The following CHI3L1 variants were observed in gnomAD, a reference collection of about 807,000 sequenced individuals.
CHI3L1 encodes chitinase-3-like protein 1.
CHI3L1 carries 30 observed loss-of-function variants against 40.7 expected under a neutral mutation model. That is an observed-to-expected ratio of 0.74 (90% CI 0.55 to 1.00). The LOEUF is 1.00. CHI3L1 is among the 50% of genes least tolerant of loss of function. The pLI is 0.00. For synonymous variants in CHI3L1, 210 were observed against 192.1 expected (o/e 1.09, Z -0.77); for missense variants, 493 against 492.2 (o/e 1.00, Z -0.01).
rs550073769 is a variant in CHI3L1, at chr1:203,185,348, C to T, written c.93G>A (p.Trp31Ter). ...AYKLVCYYTS[W>*]SQYREGDGSC... ...TCCCATCGCCTTCCCGGTACTGGGA[C>T]CAGCTGGTGTAGTAGCAGACCAGTT... The change falls in exon 3 of 10, where the codon TGG (tryptophan) becomes TGA (stop). Residue 31 changes from tryptophan (W) to a stop codon, truncating the protein, a stop_gained. Transcript: ENST00000255409. LOFTEE classifies it high-confidence loss of function. 6.2e-7 allele frequency: 1 copy of T among 1,614,180 alleles called. No homozygotes were observed. The highest frequency in any genetic ancestry group is 2.2e-5 in the East Asian group (1 of 44,888).
At chr1:203,183,508 C>T in intron 5 of CHI3L1, 133 bp downstream of exon 5, 1 of 895,248 alleles carries the variant, frequency 1.1e-6, no homozygotes, top group South Asian at 1.5e-5. Context: ...GGCACAGGGT[C>T]CCAGGACACT....
At position 203,184,539 on chromosome 1, in the gene CHI3L1, A is replaced by G. The variant is rs12063956; in HGVS notation, c.314+37T>C. The G allele has an allele frequency of 1.7e-3, 2,672 of 1,570,484 alleles. 29 individuals carry two copies. The African/African-American group carries it at 0.027, about 16-fold the overall frequency. On this transcript the variant is annotated intron_variant, in intron 4 of 9. Transcript: ENST00000255409. ...CCAAGCTCCTCACTCCTATGCCATC[A>G]TCCTCTGCCGTCCTGCCCCTGGGGA...
At chr1:203,181,049 A>G in intron 7 of CHI3L1, 113 bp downstream of exon 7, 1 of 1,377,574 alleles carries the variant, frequency 7.3e-7, no homozygotes, top group Non-Finnish European at 9.8e-7. Flanking sequence ...AATGGGCCTC[A>G]TGACCCCCCT....
intron 7 of CHI3L1, 92 bp downstream of exon 7, chr1:203,181,070 T>G: frequency 6.7e-7 from 1 of 1,493,056 alleles, no homozygotes; most frequent in Non-Finnish European, 9.1e-7. Context: ...CTTGCAGGAC[T>G]GTACTGAGGG....
At chr1:203,183,917 T>A in intron 4 of CHI3L1, 126 bp from the exon 5 acceptor site, 1 of 1,089,648 alleles carries the variant, frequency 9.2e-7, no homozygotes, top group Non-Finnish European at 1.4e-6. Context: ...GAGGGCATGA[T>A]TGGGACAGGG....
Position 203,180,937 on chromosome 1 carries a change from TC to T in CHI3L1, c.711+224del, listed in dbSNP as rs891337158. Among the ~76,000 whole-genome samples, 4 of 152,322 alleles carry T rather than the reference TC, an allele frequency of 2.6e-5. 1 individual carries two copies. Reference sequence around the variant, plus strand: ...TCCTACCTCCTCGGCTCCCAGCCTCTCCCCATTCGGCCCCCTGCCCTCACTC... The same window carrying T: ...TCCTACCTCCTCGGCTCCCAGCCTCTCCCATTCGGCCCCCTGCCCTCACTC... On this transcript the variant is annotated intron_variant, in intron 7 of 9. Transcript: ENST00000255409.
At chr1:203,186,394 C>A (rs890890270) in intron 1 of CHI3L1, 49 bp from the exon 2 acceptor site, 2 of 1,570,170 alleles carry the variant, frequency 1.3e-6, no homozygotes, top group African/African-American at 2.7e-5. Flanking sequence ...CCTGCCCTTC[C>A]GCCCTGCTCC....
In CHI3L1 at chr1:203,179,286, G is replaced by A; in HGVS notation, c.*159C>T. The A allele has an allele frequency of 6.4e-6, 4 of 623,506 alleles. No homozygotes were observed. The South Asian group carries it at 1.2e-4, about 18-fold the overall frequency. 38.6% of individuals were successfully genotyped at this position (623,506 alleles called of 1,614,324 possible). A position where few individuals can be genotyped will look rare whatever the true frequency, so the allele number is the denominator to read the frequency against. Reference sequence around the variant, plus strand: ...CTACCTCTCTGCCCACCAGGGCTGAGCTCAAATCTGTGTGTTGTGGACCTC... The same window carrying A: ...CTACCTCTCTGCCCACCAGGGCTGAACTCAAATCTGTGTGTTGTGGACCTC... On this transcript the variant is annotated 3_prime_UTR_variant, in exon 10 of 10. Coordinates refer to ENST00000255409, the MANE Select transcript of CHI3L1 (RefSeq NM_001276.4).
In CHI3L1 at chr1:203,179,746, C is replaced by A; in HGVS notation, c.1011+15G>T. 6.2e-7 allele frequency: 1 copy of A among 1,614,176 alleles called. No homozygotes were observed. Among genetic ancestry groups the A allele is most frequent in the Non-Finnish European group, 8.5e-7 (1 of 1,180,038 alleles). ...CTTTCTCTTTGTCCTGAGGTGTGGC[C>A]TTGGGGAAACCTACCTTGCTTTTGA... On this transcript the variant is annotated intron_variant, in intron 9 of 9. Transcript: ENST00000255409.
At chr1:203,179,928 G>A in intron 8 of CHI3L1, 51 bp from the exon 9 acceptor site, 1 of 1,564,398 alleles carries the variant, frequency 6.4e-7, no homozygotes, top group Non-Finnish European at 8.8e-7. Context: ...CCGAGACCTT[G>A]CAGGTCACCA....
In CHI3L1 at chr1:203,179,415, T is replaced by C. The variant is rs1301318330; in HGVS notation, c.*30A>G. 1.3e-6 allele frequency: 2 copies of C among 1,505,698 alleles called. No homozygotes were observed. The highest frequency in any genetic ancestry group is 1.8e-6 in the Non-Finnish European group (2 of 1,124,420). 93.3% of individuals were successfully genotyped at this position (1,505,698 alleles called of 1,614,324 possible). On this transcript the variant is annotated 3_prime_UTR_variant, in exon 10 of 10. Coordinates refer to ENST00000255409, the MANE Select transcript of CHI3L1 (RefSeq NM_001276.4). Reference sequence around the variant, plus strand: ...GAGCCAGAGGGGGACGGGGCATCCTTGGCCCCCGTGCTGTGTGCAGAACAG... The same window carrying C: ...GAGCCAGAGGGGGACGGGGCATCCTCGGCCCCCGTGCTGTGTGCAGAACAG...
At position 203,184,632 on chromosome 1, in the gene CHI3L1, C is replaced by T. The variant is rs780283230; in HGVS notation, c.258G>A (p.Arg86=). ...LYGMLNTLKN[R]NPNLKTLLSV... Reference sequence around the variant, plus strand: ...ACAAGAGAGTCTTCAGGTTGGGGTTCCTGTGGAGCACAGGGAGGTGGGGAG... The same window carrying T: ...ACAAGAGAGTCTTCAGGTTGGGGTTTCTGTGGAGCACAGGGAGGTGGGGAG... The change falls in exon 4 of 10, where the codon AGG becomes AGA. Residue 86 remains arginine, a splice_region_variant and synonymous_variant. Coordinates refer to ENST00000255409, the MANE Select transcript of CHI3L1 (RefSeq NM_001276.4). 2.5e-6 allele frequency: 4 copies of T among 1,613,896 alleles called. No homozygotes were observed. The highest frequency in any genetic ancestry group is 2.2e-5 in the East Asian group (1 of 44,864).
intron 8 of CHI3L1, 23 bp from the exon 9 acceptor site, chr1:203,179,900 G>T (rs373066176): frequency 2.5e-5 from 40 of 1,610,964 alleles, no homozygotes; most frequent in Non-Finnish European, 1.9e-5. Context: ...CAGGGAAAAG[G>T]CAGTGTGGGG....
In CHI3L1 at chr1:203,185,272, T is replaced by C. The variant is rs751450722; in HGVS notation, c.169A>G (p.Ser57Gly). 1 of 1,614,176 alleles carries C rather than the reference T, an allele frequency of 6.2e-7. No homozygotes were observed. The highest frequency in any genetic ancestry group is 1.1e-5 in the South Asian group (1 of 91,084). ...DRFLCTHIIY[S>G]FANISNDHID... ...TGATCGTTGCTTATATTGGCAAAGC[T>C]GTAGATGATGTGGGTACAGAGGAAG... Residue 57 changes from serine (S) to glycine (G), a missense_variant, in exon 3 of 10, where the codon AGC (serine) becomes GGC (glycine). By Grantham distance (56) the Ser-to-Gly change is moderately conservative. Transcript: ENST00000255409.
chr1:203,185,970 C>T (rs2102212189), intron 2 of CHI3L1, among the ~76,000 whole-genome samples: 1 of 152,248 alleles, frequency 6.6e-6, no homozygotes, highest in South Asian at 2.1e-4. Context: ...TCCTTCCTCG[C>T]CTCTAATTCT....
intron 8 of CHI3L1, 60 bp downstream of exon 8, chr1:203,180,410 C>T (rs1002016645): frequency 7.1e-7 from 1 of 1,405,104 alleles, no homozygotes; most frequent in South Asian, 1.5e-5. Flanking sequence ...GGTGGGGAAT[C>T]ACCTTCCCCA....
At position 203,179,420 on chromosome 1, in the gene CHI3L1, C is replaced by T. The variant is rs1553271626; in HGVS notation, c.*25G>A. On this transcript the variant is annotated 3_prime_UTR_variant, in exon 10 of 10. Coordinates refer to ENST00000255409, the MANE Select transcript of CHI3L1 (RefSeq NM_001276.4). ...AGAGGGGGACGGGGCATCCTTGGCC[C>T]CCGTGCTGTGTGCAGAACAGAGGGC... is the stretch of plus-strand genomic sequence containing the variant. 2 of 1,513,780 alleles carry T rather than the reference C, an allele frequency of 1.3e-6. No homozygotes were observed. The highest frequency in any genetic ancestry group is 4.4e-5 in the Admixed American group (2 of 44,988). 93.8% of individuals were successfully genotyped at this position (1,513,780 alleles called of 1,614,324 possible). A position where few individuals can be genotyped will look rare whatever the true frequency, so the allele number is the denominator to read the frequency against.
chr1:203,180,648 T>A lies in CHI3L1; in HGVS notation c.716A>T (p.Tyr239Phe). The change falls in exon 8 of 10, where the codon TAT becomes TTT. Residue 239 changes from tyrosine (Y) to phenylalanine (F), a missense_variant. By Grantham distance (22) the Tyr-to-Phe change is conservative (BLOSUM62 3). Transcript: ENST00000255409. The part of the protein sequence containing the change: ...ASPDRFSNTD[Y>F]AVGYMLRLGA... ...CAGCCTCAACATGTACCCCACAGCA[T>A]AGTCCTGGGTGGGGTAGGGTGGGAA... 6.3e-7 allele frequency: 1 copy of A among 1,591,952 alleles called. No homozygotes were observed. Among genetic ancestry groups the A allele is most frequent in the Non-Finnish European group, 8.6e-7 (1 of 1,167,296 alleles).
At chr1:203,180,385 A>G in intron 8 of CHI3L1, 85 bp downstream of exon 8, 1 of 1,286,130 alleles carries the variant, frequency 7.8e-7, no homozygotes, top group South Asian at 1.5e-5. Flanking sequence ...CCCAAAGGAG[A>G]AAAAGCAAGA....
Sources: gnomAD v4.1 joint callset for allele counts (sites outside exome capture counted in the v4.1 genomes callset) on GRCh38, gnomAD v4.1.1 for gene constraint, MANE v1.5 for transcripts, NCBI Gene and HGNC (gene_info 2026-07-23, HGNC 2026-07-21) for gene names.